The following SIGLEC9 variants were observed in gnomAD, a reference collection of about 807,000 sequenced individuals.
The protein encoded by SIGLEC9 is sialic acid-binding Ig-like lectin 9.
SIGLEC9 carries 26 observed loss-of-function variants against 38.3 expected under a neutral mutation model. The ratio of observed to expected loss-of-function variants is 0.68; its 90% CI spans 0.50 to 0.94. The LOEUF (loss-of-function observed/expected upper bound fraction) is 0.94. Ranked by LOEUF, SIGLEC9 falls within the 40% of genes least tolerant of loss-of-function variation. The pLI is 0.00. For missense variants in SIGLEC9, 556 were observed against 585.7 expected (o/e 0.95, Z 0.52); for synonymous variants, 236 against 248.0 (o/e 0.95, Z 0.45).
In SIGLEC9 at chr19:51,128,472, A is replaced by G. The variant is rs201245752; in HGVS notation, c.1165A>G (p.Ile389Val). The change falls in exon 6 of 7, where the codon ATA (isoleucine) becomes GTA (valine). Residue 389 changes from isoleucine (I) to valine (V), a missense_variant. Ile to Val is a conservative substitution (Grantham distance 29). Coordinates refer to ENST00000250360, the MANE Select transcript of SIGLEC9 (RefSeq NM_014441.3). ...AGCAGCGGGCGTGGGAGATACGGGCATAGAGGATGCAAACGCTGTCAGGGG... is the reference window on the plus strand; with the variant it reads ...AGCAGCGGGCGTGGGAGATACGGGCGTAGAGGATGCAAACGCTGTCAGGGG... ...RPAAGVGDTG[I>V]EDANAVRGSA... is the part of the protein sequence containing the mutation. 2.6e-5 allele frequency: 42 copies of G among 1,614,004 alleles called. No homozygotes were observed. The highest frequency in any genetic ancestry group is 3.2e-5 in the Non-Finnish European group (38 of 1,180,002).
downstream of SIGLEC9, among the ~76,000 whole-genome samples, chr19:51,131,678 G>A (rs1481314249): frequency 1.3e-5 from 2 of 152,248 alleles, no homozygotes; most frequent in African/African-American, 4.8e-5. Context: ...CACTTTGGGA[G>A]GCTGAGGAGG....
Position 51,127,079 on chromosome 19 carries a change from G to A in SIGLEC9, c.798G>A (p.Gln266=). ...NGSSLSLPEG[Q]SLRLVCAVDA... The stretch of plus-strand genomic sequence containing the variant: ...CATCTCTGTCACTCCCAGAGGGCCA[G>A]TCTCTGCGCCTGGTCTGTGCAGTTG... The change falls in exon 4 of 7, where the codon CAG becomes CAA. Residue 266 remains glutamine, a synonymous_variant. Transcript: ENST00000250360. The A allele has an allele frequency of 6.2e-7, 1 of 1,614,212 alleles. No individual in the cohort carries two copies. The highest frequency in any genetic ancestry group is 8.5e-7 in the Non-Finnish European group (1 of 1,180,028).
chr19:51,125,776 A>G lies in SIGLEC9; in HGVS notation c.601A>G (p.Ile201Val). 1 of 1,613,960 alleles carries G rather than the reference A, an allele frequency of 6.2e-7. No individual in the cohort carries two copies. Among genetic ancestry groups the G allele is most frequent in the Non-Finnish European group, 8.5e-7 (1 of 1,179,932 alleles). The change falls in exon 2 of 7, where the codon ATC becomes GTC. Residue 201 changes from isoleucine to valine, a missense_variant. Ile to Val is a conservative substitution (Grantham distance 29, BLOSUM62 3). Coordinates refer to ENST00000250360, the MANE Select transcript of SIGLEC9 (RefSeq NM_014441.3). ...STTRSSVLTLIPQPQDHGTSL... is the reference protein window; with the variant it reads ...STTRSSVLTLVPQPQDHGTSL... ...CACCCGCTCCTCGGTGCTCACCCTCATCCCACAGCCCCAGGACCATGGCAC... is the reference window on the plus strand; with the variant it reads ...CACCCGCTCCTCGGTGCTCACCCTCGTCCCACAGCCCCAGGACCATGGCAC...
At chr19:51,134,452 C>T (rs1016686403), downstream of SIGLEC9, among the ~76,000 whole-genome samples, 1 of 152,138 alleles carries the variant, frequency 6.6e-6, no homozygotes, top group Non-Finnish European at 1.5e-5. Context: ...CCACTGCGCC[C>T]AGCCAGTCCT....
At chr19:51,134,370 G>A (rs2122863100), downstream of SIGLEC9, among the ~76,000 whole-genome samples, 1 of 152,004 alleles carries the variant, frequency 6.6e-6, no homozygotes, top group South Asian at 2.1e-4. Context: ...TGTTGGCCAG[G>A]ATGGTCTTGA....
downstream of SIGLEC9, among the ~76,000 whole-genome samples, chr19:51,133,731 T>A (rs913670959): frequency 2.0e-5 from 3 of 152,190 alleles, no homozygotes; most frequent in Admixed American, 6.5e-5. Context: ...GAGACTATAA[T>A]GTTTGTACAA....
rs756130451 is a variant in SIGLEC9, at chr19:51,127,945, A to T, written c.1016-4A>T. Reference sequence around the variant, plus strand: ...TCACAAAAATAACTCCCATCTGTCAACAGGCAAAGCCACATCAGGAGTGAC... The same window carrying T: ...TCACAAAAATAACTCCCATCTGTCATCAGGCAAAGCCACATCAGGAGTGAC... On this transcript the variant is annotated splice_polypyrimidine_tract_variant and splice_region_variant and intron_variant, in intron 4 of 6. Transcript: ENST00000250360. The T allele has an allele frequency of 5.6e-6, 9 of 1,606,406 alleles. No homozygotes were observed. The highest frequency in any genetic ancestry group is 6.8e-6 in the Non-Finnish European group (8 of 1,173,844).
At chr19:51,133,890 A>C (rs1303903948), downstream of SIGLEC9, among the ~76,000 whole-genome samples, 1 of 152,152 alleles carries the variant, frequency 6.6e-6, no homozygotes, top group Non-Finnish European at 1.5e-5. Context: ...AATACTCATC[A>C]ATATATAATA....
At chr19:51,126,180 G>C in intron 3 of SIGLEC9, 52 bp downstream of exon 3, 1 of 1,547,968 alleles carries the variant, frequency 6.5e-7, no homozygotes, top group Middle Eastern at 1.7e-4. Context: ...TTCAGGTCAG[G>C]ATGGGGCTGG....
upstream of SIGLEC9, among the ~76,000 whole-genome samples, chr19:51,121,187 GCT>G (rs1263495585): frequency 6.6e-6 from 1 of 151,948 alleles, no homozygotes; most frequent in African/African-American, 2.4e-5. Flanking sequence ...ATGGAGTCTC[GCT>G]CTGTCACCCA....
intron 6 of SIGLEC9, among the ~76,000 whole-genome samples, chr19:51,129,171 G>GTTGTTTTTTTTTTT (rs1555796366): frequency 2.9e-5 from 4 of 138,990 alleles, no homozygotes; most frequent in African/African-American, 1.2e-4. Context: ...TGTTGTTGTT[G>GTTGTTTTTTTTTTT]TTTTTGAGAC....
At chr19:51,134,111 C>T (rs987207775), downstream of SIGLEC9, among the ~76,000 whole-genome samples, 3 of 130,104 alleles carry the variant, frequency 2.3e-5, no homozygotes, top group African/African-American at 8.3e-5. Flanking sequence ...CACAGGGGAA[C>T]TTTCTGGGGT....
rs758797472 is a variant in SIGLEC9, at chr19:51,125,892, G to A, written c.700+17G>A. ...ACGTGTCCTGTGAGTGCTGGGCCGG[G>A]ACGCCTGGGTCCCTGATGGGGTGAG... On this transcript the variant is annotated intron_variant, in intron 2 of 6. Coordinates refer to ENST00000250360, the MANE Select transcript of SIGLEC9 (RefSeq NM_014441.3). 13 of 1,613,856 alleles carry A rather than the reference G, an allele frequency of 8.1e-6. No homozygotes were observed. The South Asian group carries it at 1.4e-4, about 18-fold the overall frequency.
intron 1 of SIGLEC9, 95 bp from the exon 2 acceptor site, chr19:51,125,502 T>TG: frequency 6.4e-7 from 1 of 1,559,174 alleles, no homozygotes; most frequent in Non-Finnish European, 8.6e-7. Flanking sequence ...TGAAGCGAGT[T>TG]GGCTCAGGGC....
At chr19:51,128,110 A>C in intron 5 of SIGLEC9, 71 bp downstream of exon 5, 1 of 1,269,104 alleles carries the variant, frequency 7.9e-7, no homozygotes, top group Non-Finnish European at 1.1e-6. Context: ...TGGATCCCTG[A>C]AGCCAGAGCT....
At chr19:51,129,866 C>G in intron 6 of SIGLEC9, 25 bp from the exon 7 acceptor site, 1 of 1,530,650 alleles carries the variant, frequency 6.5e-7, no homozygotes. Context: ...TCTGCTCTGA[C>G]TCACTTCTCT....
Position 51,128,522 on chromosome 19 carries a change from G to A in SIGLEC9, c.1203+12G>A, listed in dbSNP as rs2091993917. 6.2e-7 allele frequency: 1 copy of A among 1,611,100 alleles called. No individual in the cohort carries two copies. The highest frequency in any genetic ancestry group is 1.3e-5 in the African/African-American group (1 of 74,820). ...GTTCAGCCTCTCAGGTGAGTGATGTGGACTCTCCACAGCCAGCATGTAGCC... is the reference window on the plus strand; with the variant it reads ...GTTCAGCCTCTCAGGTGAGTGATGTAGACTCTCCACAGCCAGCATGTAGCC... On this transcript the variant is annotated intron_variant, in intron 6 of 6. Coordinates refer to ENST00000250360, the MANE Select transcript of SIGLEC9 (RefSeq NM_014441.3).
At chr19:51,121,649 G>C (rs2091950532), upstream of SIGLEC9, among the ~76,000 whole-genome samples, 1 of 141,240 alleles carries the variant, frequency 7.1e-6, no homozygotes. Flanking sequence ...TGCGGTGGCA[G>C]GATCTCGGCT....
chr19:51,130,264 T>C lies in SIGLEC9; in HGVS notation c.*185T>C. 4 of 1,161,078 alleles carry C rather than the reference T, an allele frequency of 3.4e-6. No individual in the cohort carries two copies. The highest frequency in any genetic ancestry group is 4.4e-6 in the Non-Finnish European group (4 of 899,728). 71.9% of individuals were successfully genotyped at this position (1,161,078 alleles called of 1,614,324 possible). ...AAGTATCTCAAACCTGAATCCACAC[T>C]GTGCCCTCCCTTTTATTTTTTTAAC... On this transcript the variant is annotated 3_prime_UTR_variant, in exon 7 of 7. Transcript: ENST00000250360.
Sources: allele counts gnomAD v4.1 joint callset (sites outside exome capture counted in the v4.1 genomes callset), GRCh38; gene constraint gnomAD v4.1.1; transcripts MANE v1.5; gene names NCBI Gene and HGNC (gene_info 2026-07-23, HGNC 2026-07-21).